KALRN: variants seen among roughly 807,000 people sequenced by gnomAD.
KALRN encodes kalirin RhoGEF kinase, also known as kalirin.
A neutral mutation model predicts 353.7 loss-of-function variants in KALRN; 70 were observed. The ratio of observed to expected loss-of-function variants is 0.20; its 90% CI spans 0.16 to 0.24. The LOEUF (loss-of-function observed/expected upper bound fraction) is 0.24. Ranked by LOEUF, KALRN falls within the 10% of genes least tolerant of loss-of-function variation. The probability of loss-of-function intolerance (pLI) is 1.00; values close to 1 mark genes in which losing one functional copy is unlikely to be tolerated. For synonymous variants in KALRN, 1,391 were observed against 1,434.8 expected, an observed-to-expected ratio of 0.97 and a Z score of 0.69; for missense variants, 2,791 against 3,756.7, an observed-to-expected ratio of 0.74 and a Z score of 6.72.
At chr3:124,356,329 CTTTTTCTT>C (rs1435936400) in intron 10 of KALRN, among the ~76,000 whole-genome samples, 2 of 83,450 alleles carry the variant, frequency 2.4e-5, no homozygotes, top group African/African-American at 9.6e-5. Context: ...TTTTCTTTTT[CTTTTTCTT>C]TTTTTTTTTT....
chr3:124,629,260 C>T (rs568924813), intron 34 of KALRN, among the ~76,000 whole-genome samples: 7 of 152,220 alleles, frequency 4.6e-5, no homozygotes, highest in South Asian at 4.1e-4. Flanking sequence ...AAGTGTCTCA[C>T]GTTCATTTCT....
intron 4 of KALRN, among the ~76,000 whole-genome samples, chr3:124,267,312 TCTC>T (rs1277333456): frequency 2.0e-5 from 3 of 152,290 alleles, no homozygotes; most frequent in Admixed American, 2.0e-4. Context: ...TGCACACAAA[TCTC>T]CTGGGGATTT....
intron 33 of KALRN, among the ~76,000 whole-genome samples, chr3:124,544,923 AAGCTG>A (rs2069459422): frequency 1.3e-5 from 2 of 152,344 alleles, no homozygotes; most frequent in South Asian, 4.1e-4. Context: ...GGCAGAAGGG[AAGCTG>A]ACCAAAGCCA....
At chr3:124,250,246 CAT>C (rs1050701245) in intron 3 of KALRN, among the ~76,000 whole-genome samples, 5 of 152,154 alleles carry the variant, frequency 3.3e-5, no homozygotes, top group African/African-American at 9.7e-5. Flanking sequence ...CTGGAGGAAA[CAT>C]GTGGTTTATT....
chr3:124,677,143 C>T (rs1004134326), intron 49 of KALRN, among the ~76,000 whole-genome samples: 5 of 152,192 alleles, frequency 3.3e-5, no homozygotes, highest in Non-Finnish European at 5.9e-5. Context: ...AATGGACGCT[C>T]ATCTCATGGA....
chr3:124,441,827 A>T, intron 18 of KALRN, 118 bp from the exon 19 acceptor site: 1 of 588,740 alleles, frequency 1.7e-6, no homozygotes, highest in Non-Finnish European at 2.8e-6. Flanking sequence ...CTCTGTCTCA[A>T]AAAAGAAAAA....
At chr3:124,186,760 A>T (rs1203222127) in intron 1 of KALRN, among the ~76,000 whole-genome samples, 1 of 152,218 alleles carries the variant, frequency 6.6e-6, no homozygotes. Flanking sequence ...AGTTCAACAC[A>T]GTCCAAATTT....
chr3:124,573,819 C>A (rs2073808933), intron 34 of KALRN, among the ~76,000 whole-genome samples: 1 of 152,218 alleles, frequency 6.6e-6, no homozygotes, highest in East Asian at 1.9e-4. Context: ...GCTTAATCCT[C>A]TCATAACTTT....
intron 1 of KALRN, among the ~76,000 whole-genome samples, chr3:124,139,965 C>T (rs1237581625): frequency 2.0e-5 from 3 of 152,060 alleles, no homozygotes; most frequent in African/African-American, 4.8e-5. Context: ...TGGAGAGGTC[C>T]TGCCCCCTAT....
intron 34 of KALRN, among the ~76,000 whole-genome samples, chr3:124,569,872 C>T (rs1180361290): frequency 6.6e-6 from 1 of 152,184 alleles, no homozygotes; most frequent in East Asian, 1.9e-4. Flanking sequence ...CCTGTGGGTG[C>T]TTTGCCAACT....
intron 34 of KALRN, among the ~76,000 whole-genome samples, chr3:124,623,452 G>T (rs2079556058): frequency 7.9e-6 from 1 of 127,010 alleles, no homozygotes. Context: ...TAACTCACAT[G>T]ATCGCAAGGT....
At chr3:124,254,940 G>GTA (rs1553876374) in intron 3 of KALRN, among the ~76,000 whole-genome samples, 34,294 of 121,076 alleles carry the variant, frequency 0.28, 4,800 homozygotes, top group Non-Finnish European at 0.39. Flanking sequence ...TCTGTCTGAA[G>GTA]TATATATATA....
In KALRN at chr3:124,439,008, C is replaced by T; in HGVS notation, c.3169C>T (p.His1057Tyr). 6.2e-7 allele frequency: 1 copy of T among 1,614,116 alleles called. No homozygotes were observed. Among genetic ancestry groups the T allele is most frequent in the Admixed American group, 1.7e-5 (1 of 60,014 alleles). Residue 1057 changes from histidine (H) to tyrosine (Y), a missense_variant, in exon 18 of 60, where the codon CAT (histidine) becomes TAT (tyrosine). Physicochemically the swap from His to Tyr is moderately conservative, Grantham distance 83. Around this residue, in one of 11 missense-constraint regions of KALRN, gnomAD observed 2 missense variants for 16.2 expected, o/e 0.12. Transcript: ENST00000682506. The stretch of plus-strand genomic sequence containing the variant: ...CCATGTCATTCCCCTCATCAGCAAA[C>T]ATTTGGAACAAAAGGAGGCCTTTCT... The part of the protein sequence containing the change: ...IDHVIPLISK[H>Y]LEQKEAFLKA...
chr3:124,647,217 TTCTTAATACCA>T (rs1419276999), intron 37 of KALRN, among the ~76,000 whole-genome samples: 1 of 152,290 alleles, frequency 6.6e-6, no homozygotes, highest in African/African-American at 2.4e-5. Context: ...AAGTCTCTAC[TTCTTAATACCA>T]TGCAGACAGG....
At chr3:124,395,573 T>C (rs2090057677) in intron 12 of KALRN, 1 of 516,814 alleles carries the variant, frequency 1.9e-6, no homozygotes, top group Non-Finnish European at 3.4e-6. Context: ...CAGGATGTTA[T>C]TCAGCCATCA....
At chr3:124,430,595 G>T (rs914371549) in intron 15 of KALRN, 61 bp from the exon 16 acceptor site, 10 of 1,591,016 alleles carry the variant, frequency 6.3e-6, no homozygotes, top group Non-Finnish European at 8.6e-6. Context: ...ATGAGAGGAG[G>T]CAACAGCTCT....
At chr3:124,295,025 A>G (rs748035090) in intron 5 of KALRN, among the ~76,000 whole-genome samples, 4 of 152,238 alleles carry the variant, frequency 2.6e-5, no homozygotes, top group African/African-American at 4.8e-5. Flanking sequence ...GTATACATGC[A>G]CACGCATGCA....
chr3:124,068,374 C>G (rs1270086048), intron 1 of KALRN, among the ~76,000 whole-genome samples: 1 of 152,194 alleles, frequency 6.6e-6, no homozygotes, highest in African/African-American at 2.4e-5. Flanking sequence ...ATCCAGACCA[C>G]TTTGTGAAAT....
intron 45 of KALRN, among the ~76,000 whole-genome samples, chr3:124,663,631 G>C (rs1027055281): frequency 6.6e-6 from 1 of 152,216 alleles, no homozygotes; most frequent in Non-Finnish European, 1.5e-5. Flanking sequence ...CTTAGAGAAA[G>C]ATGTGGATCT....
Sources: allele counts gnomAD v4.1 joint callset (sites outside exome capture counted in the v4.1 genomes callset), GRCh38; gene constraint gnomAD v4.1.1; regional missense constraint gnomAD v4.1.1; transcripts MANE v1.5; gene names NCBI Gene and HGNC (gene_info 2026-07-23, HGNC 2026-07-21).